SPINT1: variants seen among roughly 807,000 people sequenced by gnomAD.
SPINT1 encodes kunitz-type protease inhibitor 1.
Under a neutral mutation model 53.7 loss-of-function variants are expected in SPINT1, and 38 were observed. That is an observed-to-expected ratio of 0.71 (90% CI 0.55 to 0.93). The LOEUF (loss-of-function observed/expected upper bound fraction) is 0.93. Among genes scored for constraint, SPINT1 ranks in the 40% least tolerant of loss-of-function variants. The pLI is 0.00. For synonymous variants in SPINT1, 283 were observed against 280.6 expected, an observed-to-expected ratio of 1.01 and a Z score of -0.08; for missense variants, 645 against 692.9, an observed-to-expected ratio of 0.93 and a Z score of 0.78.
chr15:40,856,833 T>C lies in SPINT1; in HGVS notation c.1400T>C (p.Leu467Ser). Reference sequence around the variant, plus strand: ...TGCATTGTGGTGGTGGTAGCCATCTTGGGTTACTGCTTCTTCAAGAACCAG... The same window carrying C: ...TGCATTGTGGTGGTGGTAGCCATCTCGGGTTACTGCTTCTTCAAGAACCAG... ...VICIVVVVAI[L>S]GYCFFKNQRK... The change falls in exon 11 of 11, where the codon TTG becomes TCG. Residue 467 changes from leucine to serine, a missense_variant. Leu to Ser is a moderately radical substitution (Grantham distance 145). Transcript: ENST00000562057. 1 of 1,614,058 alleles carries C rather than the reference T, an allele frequency of 6.2e-7. No homozygotes were observed. Among genetic ancestry groups the C allele is most frequent in the African/African-American group, 1.3e-5 (1 of 75,008 alleles).
At chr15:40,855,693 T>C in intron 8 of SPINT1, 199 bp from the exon 9 acceptor site, 1 of 518,116 alleles carries the variant, frequency 1.9e-6, no homozygotes, top group Non-Finnish European at 3.4e-6. Context: ...TAGTTTACTT[T>C]TGTGCCTACA....
intron 2 of SPINT1, among the ~76,000 whole-genome samples, chr15:40,850,734 C>G (rs1033210856): frequency 2.0e-5 from 3 of 152,236 alleles, no homozygotes; most frequent in Non-Finnish European, 4.4e-5. Context: ...CTTGGCTGCT[C>G]TGGCATTTGG....
At position 40,854,065 on chromosome 15, in the gene SPINT1, T is replaced by C. The variant is rs1891551612; in HGVS notation, c.919T>C (p.Ser307Pro). ...ILACRGVQGP[S>P]MERRHPVCSG... ...TTCTCTGTTCTCTCTCCCAGGCCCC[T>C]CCATGGAAAGGCGCCATCCAGGTGG... Residue 307 changes from serine to proline, a missense_variant, in exon 6 of 11, where the codon TCC becomes CCC. Coordinates refer to ENST00000562057, the MANE Select transcript of SPINT1 (RefSeq NM_003710.4). 2.0e-6 allele frequency: 3 copies of C among 1,488,392 alleles called. No individual in the cohort carries two copies. In the Admixed American group the frequency reaches 6.3e-5, roughly 31 times the overall value. 92.2% of individuals were successfully genotyped at this position (1,488,392 alleles called of 1,614,324 possible). A position where few individuals can be genotyped will look rare whatever the true frequency, so the allele number is the denominator to read the frequency against.
Position 40,844,953 on chromosome 15 carries a change from C to T in SPINT1, c.399C>T (p.Pro133=). Reference sequence around the variant, plus strand: ...AGAACTTCGTGTGCAAGTTCGCGCCCAGGGAGGGCTTCATCAACTACCTCA... The same window carrying T: ...AGAACTTCGTGTGCAAGTTCGCGCCTAGGGAGGGCTTCATCAACTACCTCA... ...YEQNFVCKFA[P]REGFINYLTR... Residue 133 remains proline, a synonymous_variant, in exon 2 of 11, where the codon CCC becomes CCT. Transcript: ENST00000562057. This position sits in a 1 kb window ranked among gnomAD's most constrained non-coding sequence, Gnocchi z 5.8. 3 of 1,613,964 alleles carry T rather than the reference C, an allele frequency of 1.9e-6. No individual in the cohort carries two copies. The highest frequency in any genetic ancestry group is 2.5e-6 in the Non-Finnish European group (3 of 1,180,034).
rs1255447555 is a variant in SPINT1 at position 40,844,872 on chromosome 15, C to G, written c.318C>G (p.Pro106=). The G allele has an allele frequency of 3.7e-6, 6 of 1,613,900 alleles. No individual in the cohort carries two copies. Among genetic ancestry groups the G allele is most frequent in the Non-Finnish European group, 5.1e-6 (6 of 1,180,028 alleles). The part of the protein sequence containing the change: ...NCNLALVELQ[P]DRGEDAIAAC... ...ACTTGGCGCTAGTGGAGCTGCAGCCCGACCGCGGGGAGGACGCCATCGCCG... is the reference window on the plus strand; with the variant it reads ...ACTTGGCGCTAGTGGAGCTGCAGCCGGACCGCGGGGAGGACGCCATCGCCG... Residue 106 remains proline (P), a synonymous_variant, in exon 2 of 11, where the codon CCC becomes CCG. Transcript: ENST00000562057. The surrounding 1 kb of genome is among the most constrained non-coding windows in gnomAD (Gnocchi z 5.8).
Position 40,854,506 on chromosome 15 carries a change from G to T in SPINT1, c.1050G>T (p.Glu350Asp), listed in dbSNP as rs2142014777. 5 of 1,613,448 alleles carry T rather than the reference G, an allele frequency of 3.1e-6. No individual in the cohort carries two copies. The highest frequency in any genetic ancestry group is 4.2e-6 in the Non-Finnish European group (5 of 1,179,832). Reference sequence around the variant, plus strand: ...CCAACTGCCCCGACGCCTCCGACGAGGCTGCCTGTGAAAAATGTGAGGCCT... The same window carrying T: ...CCAACTGCCCCGACGCCTCCGACGATGCTGCCTGTGAAAAATGTGAGGCCT... ...DTPNCPDASD[E>D]AACEKYTSGF... The change falls in exon 7 of 11, where the codon GAG becomes GAT. Residue 350 changes from glutamate (E) to aspartate (D), a missense_variant. By Grantham distance (45) the Glu-to-Asp change is conservative. Transcript: ENST00000562057.
intron 2 of SPINT1, among the ~76,000 whole-genome samples, chr15:40,851,231 G>T (rs1446262264): frequency 6.7e-6 from 1 of 150,244 alleles, no homozygotes. Context: ...TCGGCTCACT[G>T]CACCCTCCGC....
In SPINT1 at chr15:40,856,801, G is replaced by C; in HGVS notation, c.1368G>C (p.Leu456=). Residue 456 remains leucine, a synonymous_variant, in exon 11 of 11, where the codon CTG becomes CTC. Coordinates refer to ENST00000562057, the MANE Select transcript of SPINT1 (RefSeq NM_003710.4). The stretch of plus-strand genomic sequence containing the variant: ...TGGAGATGGCTGTCGCAGTGTTCCT[G>C]GTCATCTGCATTGTGGTGGTGGTAG... The part of the protein sequence containing the change: ...GSVEMAVAVF[L]VICIVVVVAI... The C allele has an allele frequency of 6.2e-7, 1 of 1,614,120 alleles. No homozygotes were observed. The highest frequency in any genetic ancestry group is 8.5e-7 in the Non-Finnish European group (1 of 1,180,030).
At chr15:40,855,583 T>C (rs1037253690) in intron 8 of SPINT1, among the ~76,000 whole-genome samples, 1 of 152,162 alleles carries the variant, frequency 6.6e-6, no homozygotes, top group South Asian at 2.1e-4. Flanking sequence ...AGCGAGACAC[T>C]GTCTTTAAAA....
Position 40,857,108 on chromosome 15 carries a change from GC to G in SPINT1, c.*137del, listed in dbSNP as rs1275353396. The stretch of plus-strand genomic sequence containing the variant: ...CTGTGCCTCAGAGACCAGGGCTCCA[GC>G]CCCTCTTGGAGAAGTCTCAGCTAAG... On this transcript the variant is annotated 3_prime_UTR_variant, in exon 11 of 11. Coordinates refer to ENST00000562057, the MANE Select transcript of SPINT1 (RefSeq NM_003710.4). 7 of 1,204,676 alleles carry G rather than the reference GC, an allele frequency of 5.8e-6. No individual in the cohort carries two copies. The highest frequency in any genetic ancestry group is 8.0e-6 in the Non-Finnish European group (7 of 877,242). 74.6% of individuals were successfully genotyped at this position (1,204,676 alleles called of 1,614,324 possible). A position where few individuals can be genotyped will look rare whatever the true frequency, so the allele number is the denominator to read the frequency against.
chr15:40,856,729 C>A (rs1486978045), intron 10 of SPINT1, 41 bp from the exon 11 acceptor site: 50 of 1,611,004 alleles, frequency 3.1e-5, no homozygotes, highest in Non-Finnish European at 4.2e-5. Context: ...CAGAACCAGG[C>A]AGGCCCTGGG....
rs1255447555 is a variant in SPINT1, at chr15:40,844,872, C to T, written c.318C>T (p.Pro106=). The T allele has an allele frequency of 1.2e-6, 2 of 1,613,900 alleles. No individual in the cohort carries two copies. The highest frequency in any genetic ancestry group is 1.7e-6 in the Non-Finnish European group (2 of 1,180,028). Residue 106 remains proline, a synonymous_variant, in exon 2 of 11, where the codon CCC becomes CCT. Coordinates refer to ENST00000562057, the MANE Select transcript of SPINT1 (RefSeq NM_003710.4). The surrounding 1 kb of genome is among the most constrained non-coding windows in gnomAD (Gnocchi z 5.8). ...ACTTGGCGCTAGTGGAGCTGCAGCC[C>T]GACCGCGGGGAGGACGCCATCGCCG... The part of the protein sequence containing the change: ...NCNLALVELQ[P]DRGEDAIAAC...
In SPINT1 at chr15:40,844,153, G is replaced by C; in HGVS notation, c.-99G>C. On this transcript the variant is annotated 5_prime_UTR_variant, in exon 1 of 11. Transcript: ENST00000562057. The surrounding 1 kb of genome is among the most constrained non-coding windows in gnomAD (Gnocchi z 5.8). ...CGCAGGAAGCTGGGACCGGAACCTC[G>C]GCGGACCCGGCCCCACCCAACTCAC... is the stretch of plus-strand genomic sequence containing the variant. The C allele has an allele frequency of 2.3e-6, 1 of 438,894 alleles. No homozygotes were observed. Among genetic ancestry groups the C allele is most frequent in the Non-Finnish European group, 4.5e-6 (1 of 223,866 alleles). The allele number at this position is 438,894 out of a possible 1,614,324, so 27.2% of individuals were successfully genotyped here.
Position 40,844,390 on chromosome 15 carries a change from TC to T in SPINT1, c.-65-97del. The T allele has an allele frequency of 1.3e-6, 1 of 773,802 alleles. No individual in the cohort carries two copies. Among genetic ancestry groups the T allele is most frequent in the Non-Finnish European group, 2.2e-6 (1 of 453,636 alleles). The allele number at this position is 773,802 out of a possible 1,614,324, so 47.9% of individuals were successfully genotyped here. ...CCTCTTCGATCCTGGGGTGCTCCGGTCCCTCCTCCCCGCCACTTCCTCCCGG... is the reference window on the plus strand; with the variant it reads ...CCTCTTCGATCCTGGGGTGCTCCGGTCCTCCTCCCCGCCACTTCCTCCCGG... On this transcript the variant is annotated intron_variant, in intron 1 of 10. Coordinates refer to ENST00000562057, the MANE Select transcript of SPINT1 (RefSeq NM_003710.4). The surrounding 1 kb of genome is among the most constrained non-coding windows in gnomAD (Gnocchi z 5.8).
chr15:40,851,643 T>C (rs143937737), intron 2 of SPINT1, among the ~76,000 whole-genome samples: 35 of 152,350 alleles, frequency 2.3e-4, no homozygotes, highest in African/African-American at 7.9e-4. Context: ...TGGGGTCTTA[T>C]CTGCCCAACT....
rs947663330 is a variant in SPINT1, at chr15:40,844,129, G to A, written c.-123G>A. 10 of 437,596 alleles carry A rather than the reference G, an allele frequency of 2.3e-5. No individual in the cohort carries two copies. Among genetic ancestry groups the A allele is most frequent in the Admixed American group, 1.2e-4 (5 of 40,482 alleles). 27.1% of individuals were successfully genotyped at this position (437,596 alleles called of 1,614,324 possible). ...GGTCGGAAGCCGCGACCCGAGCCGCGCAGGAAGCTGGGACCGGAACCTCGG... is the reference window on the plus strand; with the variant it reads ...GGTCGGAAGCCGCGACCCGAGCCGCACAGGAAGCTGGGACCGGAACCTCGG... On this transcript the variant is annotated 5_prime_UTR_variant, in exon 1 of 11. Coordinates refer to ENST00000562057, the MANE Select transcript of SPINT1 (RefSeq NM_003710.4). The surrounding 1 kb of genome is among the most constrained non-coding windows in gnomAD (Gnocchi z 5.8).
chr15:40,854,033 C>T, intron 5 of SPINT1, 27 bp from the exon 6 acceptor site: 1 of 1,568,688 alleles, frequency 6.4e-7, no homozygotes. Context: ...GGTCATGCCT[C>T]CTCTCATTCT....
At chr15:40,845,507 G>A (rs920516047) in intron 2 of SPINT1, among the ~76,000 whole-genome samples, 6 of 151,934 alleles carry the variant, frequency 3.9e-5, no homozygotes, top group African/African-American at 9.7e-5. Context: ...GTGATCAATG[G>A]GGTGACAGAT....
chr15:40,854,745 A>G, intron 8 of SPINT1, 56 bp downstream of exon 8: 1 of 1,606,346 alleles, frequency 6.2e-7, no homozygotes. Context: ...TGCCATCCTC[A>G]CTATTTCCAT....
Sources: allele counts gnomAD v4.1 joint callset (sites outside exome capture counted in the v4.1 genomes callset), GRCh38; gene constraint gnomAD v4.1.1; non-coding constraint Gnocchi (gnomAD v3.1); transcripts MANE v1.5; gene names NCBI Gene and HGNC (gene_info 2026-07-23, HGNC 2026-07-21).